DOP1B: variants seen among roughly 807,000 people sequenced by gnomAD.
DOP1B encodes the protein DOP1 leucine zipper like protein B, also known as protein DOP1B.
DOP1B carries 174 observed loss-of-function variants against 233.5 expected under a neutral mutation model. The observed-to-expected ratio is 0.75, with a 90% CI of 0.66 to 0.85. The LOEUF is 0.85. DOP1B is among the 40% of genes least tolerant of loss of function. The pLI is 0.00. For missense variants in DOP1B, 2,652 were observed against 2,846.6 expected (o/e 0.93, Z 1.56); for synonymous variants, 1,190 against 1,185.6 (o/e 1.00, Z -0.08).
At chr21:36,191,441 T>G (rs77301813) in intron 2 of DOP1B, among the ~76,000 whole-genome samples, 6,384 of 152,254 alleles carry the variant, frequency 0.042, 193 homozygotes, top group Non-Finnish European at 0.057. Context: ...AGTCCCACTC[T>G]TCTCTGGTCA....
rs564521929 is a variant in DOP1B, at chr21:36,245,032, A to T, written c.3068-16A>T. 8.9e-6 allele frequency: 14 copies of T among 1,580,226 alleles called. No homozygotes were observed. Among genetic ancestry groups the T allele is most frequent in the Non-Finnish European group, 1.1e-5 (13 of 1,157,196 alleles). ...ACCCTTCTGTCTAAAGTCATTTGTC[A>T]TCTTGTAATTTTCAGATGACTTGCA... is the stretch of plus-strand genomic sequence containing the variant. On this transcript the variant is annotated splice_polypyrimidine_tract_variant and intron_variant, in intron 18 of 36. Coordinates refer to ENST00000691173, the MANE Select transcript of DOP1B (RefSeq NM_001320714.2). The surrounding 1 kb of genome is among the most constrained non-coding windows in gnomAD (Gnocchi z 5.5).
chr21:36,257,541 A>C (rs2123623196), intron 23 of DOP1B, among the ~76,000 whole-genome samples: 1 of 152,352 alleles, frequency 6.6e-6, no homozygotes, highest in Middle Eastern at 3.4e-3. Flanking sequence ...GGCAGGAGTT[A>C]TGAACCAAGA....
At chr21:36,169,230 C>T (rs1038164013) in intron 2 of DOP1B, 3 of 985,902 alleles carry the variant, frequency 3.0e-6, no homozygotes, top group Admixed American at 1.7e-5. Flanking sequence ...ACAAAGCCAC[C>T]CAGAAGGTCG....
chr21:36,252,485 T>G (rs1427425894), intron 22 of DOP1B, among the ~76,000 whole-genome samples: 1 of 151,100 alleles, frequency 6.6e-6, no homozygotes, highest in African/African-American at 2.4e-5. Flanking sequence ...GGAAATTACA[T>G]TTGTCCATGA....
intron 1 of DOP1B, among the ~76,000 whole-genome samples, chr21:36,162,021 T>C (rs189025114): frequency 6.6e-6 from 1 of 152,298 alleles, no homozygotes; most frequent in Admixed American, 6.5e-5. Context: ...TTCAGGCTGC[T>C]CCAATAAAAT....
chr21:36,276,925 G>A, intron 27 of DOP1B, 96 bp from the exon 28 acceptor site: 1 of 1,147,666 alleles, frequency 8.7e-7, no homozygotes, highest in East Asian at 2.4e-5. Context: ...ATGAAAGGCG[G>A]GAGCTGATGG....
At chr21:36,287,016 C>T (rs528768889) in intron 32 of DOP1B, among the ~76,000 whole-genome samples, 4 of 152,024 alleles carry the variant, frequency 2.6e-5, no homozygotes, top group South Asian at 4.1e-4. Flanking sequence ...GTACTACAGC[C>T]GATCTTAGCT....
intron 35 of DOP1B, among the ~76,000 whole-genome samples, chr21:36,290,224 T>C (rs2067539803): frequency 6.6e-6 from 1 of 152,216 alleles, no homozygotes; most frequent in Admixed American, 6.5e-5. Context: ...AGTCTTTTAG[T>C]TTTTAAAAAG....
chr21:36,177,811 T>C (rs2066049571), intron 2 of DOP1B, among the ~76,000 whole-genome samples: 1 of 152,204 alleles, frequency 6.6e-6, no homozygotes, highest in Non-Finnish European at 1.5e-5. Flanking sequence ...ATGCAGCCCC[T>C]TGAGCTTGGC....
At chr21:36,162,012 T>C (rs2065873678) in intron 1 of DOP1B, among the ~76,000 whole-genome samples, 1 of 152,318 alleles carries the variant, frequency 6.6e-6, no homozygotes, top group South Asian at 2.1e-4. Flanking sequence ...CTTAGTTAAT[T>C]CAGGCTGCTC....
intron 2 of DOP1B, among the ~76,000 whole-genome samples, chr21:36,166,252 C>T (rs577463128): frequency 2.6e-5 from 4 of 151,456 alleles, no homozygotes; most frequent in African/African-American, 4.8e-5. Flanking sequence ...CTGGCTAACG[C>T]GGTGAAACCC....
intron 23 of DOP1B, among the ~76,000 whole-genome samples, chr21:36,256,918 C>T (rs1256584184): frequency 1.3e-5 from 2 of 152,182 alleles, no homozygotes; most frequent in African/African-American, 2.4e-5. Flanking sequence ...TCAATTCCTA[C>T]TCTATCTGCT....
At chr21:36,254,398 A>T (rs1006066907) in intron 23 of DOP1B, among the ~76,000 whole-genome samples, 9 of 152,210 alleles carry the variant, frequency 5.9e-5, no homozygotes, top group African/African-American at 1.7e-4. Context: ...ATGAGGGAGG[A>T]GGGAGGGGGA....
chr21:36,219,577 T>G, intron 10 of DOP1B, 85 bp downstream of exon 10: 1 of 1,556,260 alleles, frequency 6.4e-7, no homozygotes, highest in Non-Finnish European at 8.7e-7. Context: ...TACTATAAAT[T>G]GTGAAGTGGT....
At chr21:36,194,655 T>G (rs2066269014) in intron 2 of DOP1B, among the ~76,000 whole-genome samples, 1 of 151,848 alleles carries the variant, frequency 6.6e-6, no homozygotes, top group Non-Finnish European at 1.5e-5. Flanking sequence ...CCTGGCTAAT[T>G]TTTGTATTTT....
At chr21:36,281,114 G>A (rs1206184316) in intron 31 of DOP1B, among the ~76,000 whole-genome samples, 1 of 152,046 alleles carries the variant, frequency 6.6e-6, no homozygotes, top group Non-Finnish European at 1.5e-5. Flanking sequence ...GACCAGCCTG[G>A]GCAACATAGC....
At chr21:36,200,840 A>G (rs1440865563) in intron 4 of DOP1B, among the ~76,000 whole-genome samples, 2 of 127,540 alleles carry the variant, frequency 1.6e-5, no homozygotes, top group East Asian at 2.0e-4. Flanking sequence ...CTCTGTCTCG[A>G]AAAAAAAAAA....
chr21:36,253,499 A>T (rs953145625), intron 22 of DOP1B, among the ~76,000 whole-genome samples: 11 of 152,194 alleles, frequency 7.2e-5, no homozygotes, highest in Admixed American at 2.0e-4. Context: ...AGATCACCTG[A>T]GGTCGGGAGT....
At chr21:36,290,872 A>T (rs1187744392) in intron 35 of DOP1B, among the ~76,000 whole-genome samples, 1 of 151,776 alleles carries the variant, frequency 6.6e-6, no homozygotes, top group Non-Finnish European at 1.5e-5. Flanking sequence ...TCGGAAGCTG[A>T]GGAAGGAGAA....
Sources: gnomAD v4.1 joint callset for allele counts (sites outside exome capture counted in the v4.1 genomes callset) on GRCh38, gnomAD v4.1.1 for gene constraint, Gnocchi (gnomAD v3.1) non-coding constraint, MANE v1.5 for transcripts, NCBI Gene and HGNC (gene_info 2026-07-23, HGNC 2026-07-21) for gene names.